Variants in FRMD3 observed in about 807,000 individuals in gnomAD.
The protein encoded by FRMD3 is FERM domain-containing protein 3.
FRMD3 carries 33 observed loss-of-function variants against 70.2 expected under a neutral mutation model. The observed-to-expected ratio is 0.47, with a 90% confidence interval of 0.36 to 0.63. The LOEUF is 0.63. Among genes scored for constraint, FRMD3 ranks in the 20% least tolerant of loss-of-function variants. The pLI is 0.00. For synonymous variants in FRMD3, 279 were observed against 255.9 expected, an observed-to-expected ratio of 1.09 and a Z score of -0.86; for missense variants, 632 against 711.4, an observed-to-expected ratio of 0.89 and a Z score of 1.27.
chr9:83,328,547 G>A (rs558788317), intron 6 of FRMD3, among the ~76,000 whole-genome samples: 18 of 152,326 alleles, frequency 1.2e-4, no homozygotes, highest in South Asian at 4.1e-4. Context: ...AGTCGAAGGC[G>A]CTAAATGATA....
intron 1 of FRMD3, among the ~76,000 whole-genome samples, chr9:83,478,728 G>C (rs1828458601): frequency 6.6e-6 from 1 of 152,128 alleles, no homozygotes; most frequent in Non-Finnish European, 1.5e-5. Context: ...ATTCAGAAAA[G>C]CCAGTAAGTG....
intron 1 of FRMD3, among the ~76,000 whole-genome samples, chr9:83,406,251 C>A (rs1353899585): frequency 6.6e-6 from 1 of 152,152 alleles, no homozygotes; most frequent in Non-Finnish European, 1.5e-5. Context: ...CTCCTAGTTC[C>A]CATCTCCTTC....
At chr9:83,384,291 A>T (rs1255206747) in intron 2 of FRMD3, among the ~76,000 whole-genome samples, 1 of 152,022 alleles carries the variant, frequency 6.6e-6, no homozygotes, top group Non-Finnish European at 1.5e-5. Flanking sequence ...CTTAGGTACC[A>T]CTCTTGCTCC....
At chr9:83,259,055 A>G (rs1228034034) in intron 13 of FRMD3, among the ~76,000 whole-genome samples, 1 of 152,148 alleles carries the variant, frequency 6.6e-6, no homozygotes, top group Non-Finnish European at 1.5e-5. Flanking sequence ...AACATAATAG[A>G]GGCTTTTATA....
At chr9:83,446,229 G>GCC (rs1827457422) in intron 1 of FRMD3, among the ~76,000 whole-genome samples, 1 of 152,164 alleles carries the variant, frequency 6.6e-6, no homozygotes, top group African/African-American at 2.4e-5. Flanking sequence ...GCCGGGAGAT[G>GCC]AAGTGTGTGA....
At chr9:83,389,312 T>C (rs1014866967) in intron 2 of FRMD3, among the ~76,000 whole-genome samples, 1 of 152,140 alleles carries the variant, frequency 6.6e-6, no homozygotes, top group Non-Finnish European at 1.5e-5. Context: ...AAATTTTATG[T>C]AGCCATTGTT....
Position 83,538,033 on chromosome 9 carries a change from C to G in FRMD3, c.147+52G>C. 6.3e-7 allele frequency: 1 copy of G among 1,595,296 alleles called. No individual in the cohort carries two copies. Among genetic ancestry groups the G allele is most frequent in the Non-Finnish European group, 8.6e-7 (1 of 1,168,490 alleles). On this transcript the variant is annotated intron_variant, in intron 1 of 13. Transcript: ENST00000304195. This position sits in a 1 kb window ranked among gnomAD's most constrained non-coding sequence, Gnocchi z 4.7. ...TCTCGCATGCCCACCGCAAAGGCCC[C>G]CCGCCCTGCTCCCGGCGTGTGCCCC... is the stretch of plus-strand genomic sequence containing the variant.
rs1829950303 is a variant in FRMD3, at chr9:83,538,378, C to T, written c.-147G>A. The T allele has an allele frequency of 1.6e-6, 1 of 633,306 alleles. No individual in the cohort carries two copies. The allele number at this position is 633,306 out of a possible 1,614,324, so 39.2% of individuals were successfully genotyped here. Reference sequence around the variant, plus strand: ...GCAGCGTCGGGCGCCTGCGGACACACATGCCCAGCGGCCGGGGCGCGGCGG... The same window carrying T: ...GCAGCGTCGGGCGCCTGCGGACACATATGCCCAGCGGCCGGGGCGCGGCGG... On this transcript the variant is annotated 5_prime_UTR_variant, in exon 1 of 14. In the 5' UTR this introduces an upstream ATG that the reference lacks. Transcript: ENST00000304195. The surrounding 1 kb of genome is among the most constrained non-coding windows in gnomAD (Gnocchi z 4.7).
chr9:83,550,681 C>G, the FRMD3 span, among the ~76,000 whole-genome samples: 2 of 117,302 alleles, frequency 1.7e-5, no homozygotes. Context: ...AGCTGTAGTC[C>G]TAGGTAGTGT....
At chr9:83,321,592 C>G (rs1241884686) in intron 6 of FRMD3, among the ~76,000 whole-genome samples, 1 of 152,032 alleles carries the variant, frequency 6.6e-6, no homozygotes, top group Non-Finnish European at 1.5e-5. Context: ...TTTTCTGTGG[C>G]CTACTATATG....
intron 1 of FRMD3, among the ~76,000 whole-genome samples, chr9:83,529,766 G>A (rs772869398): frequency 5.3e-5 from 8 of 152,164 alleles, no homozygotes; most frequent in Non-Finnish European, 1.2e-4. Context: ...TTTGTGTCCA[G>A]AATATATGAA....
intron 3 of FRMD3, among the ~76,000 whole-genome samples, chr9:83,357,394 A>C (rs976991005): frequency 2.8e-4 from 42 of 149,468 alleles, no homozygotes; most frequent in African/African-American, 9.6e-4. Flanking sequence ...TGCGTGTGCA[A>C]GTATCTCTTT....
chr9:83,350,801 C>A (rs1824131212), intron 3 of FRMD3: 1 of 871,850 alleles, frequency 1.1e-6, no homozygotes, highest in Non-Finnish European at 1.4e-6. Flanking sequence ...ATCCAGAACT[C>A]ACCCAACCAA....
At chr9:83,468,325 CA>C (rs942384395) in intron 1 of FRMD3, among the ~76,000 whole-genome samples, 9 of 152,136 alleles carry the variant, frequency 5.9e-5, no homozygotes, top group African/African-American at 1.9e-4. Context: ...ATATCACCCA[CA>C]AAAACCAAAA....
intron 1 of FRMD3, among the ~76,000 whole-genome samples, chr9:83,529,670 A>G (rs1337779680): frequency 6.6e-6 from 1 of 152,246 alleles, no homozygotes; most frequent in Non-Finnish European, 1.5e-5. Context: ...TATCAAAATT[A>G]AAAGCTTTTT....
intron 2 of FRMD3, among the ~76,000 whole-genome samples, chr9:83,375,843 C>A (rs1825125291): frequency 6.6e-6 from 1 of 152,100 alleles, no homozygotes; most frequent in Non-Finnish European, 1.5e-5. Flanking sequence ...ATATAACAAA[C>A]CTGCACATGT....
chr9:83,507,702 A>C (rs1261366003), intron 1 of FRMD3, among the ~76,000 whole-genome samples: 1 of 67,958 alleles, frequency 1.5e-5, no homozygotes, highest in Admixed American at 1.4e-4. Context: ...ATATATATAT[A>C]TATATATATA....
At chr9:83,298,504 A>G (rs1264340640) in intron 12 of FRMD3, among the ~76,000 whole-genome samples, 1 of 152,248 alleles carries the variant, frequency 6.6e-6, no homozygotes, top group Non-Finnish European at 1.5e-5. Flanking sequence ...GCAATGGCAC[A>G]GCATCCTGCT....
chr9:83,273,492 G>GCGGAAGGC (rs1833682837), intron 13 of FRMD3, among the ~76,000 whole-genome samples: 1 of 151,702 alleles, frequency 6.6e-6, no homozygotes, highest in South Asian at 2.1e-4. Flanking sequence ...CACAAACACT[G>GCGGAAGGC]CGGAAGGCCG....
Sources: allele counts gnomAD v4.1 joint callset (sites outside exome capture counted in the v4.1 genomes callset), GRCh38; gene constraint gnomAD v4.1.1; non-coding constraint Gnocchi (gnomAD v3.1); transcripts MANE v1.5; gene names NCBI Gene and HGNC (gene_info 2026-07-23, HGNC 2026-07-21).